CBFA2T2: variants seen among roughly 807,000 people sequenced by gnomAD.
CBFA2T2 encodes CBFA2/RUNX1 partner transcriptional co-repressor 2.
In CBFA2T2, 11 loss-of-function variants were observed where a neutral mutation model predicts 62.2. The ratio of observed to expected loss-of-function variants is 0.18; its 90% CI spans 0.11 to 0.29. The LOEUF is 0.29. CBFA2T2 is among the 10% of genes least tolerant of loss of function. The probability of loss-of-function intolerance (pLI) is 1.00; values close to 1 mark genes in which losing one functional copy is unlikely to be tolerated. For synonymous variants in CBFA2T2, 295 were observed against 287.5 expected (o/e 1.03, Z -0.27); for missense variants, 592 against 774.1 (o/e 0.76, Z 2.79).
chr20:33,549,455 C>T (rs1251030841), intron 1 of CBFA2T2, among the ~76,000 whole-genome samples: 2 of 152,086 alleles, frequency 1.3e-5, no homozygotes, highest in Admixed American at 1.3e-4. Context: ...ATACATGGTA[C>T]AGCATGAAGC....
intron 1 of CBFA2T2, among the ~76,000 whole-genome samples, chr20:33,501,630 C>CTTTTTTTTTTTTTTTT (rs869281966): frequency 3.2e-5 from 2 of 63,262 alleles, no homozygotes; most frequent in African/African-American, 1.4e-4. Flanking sequence ...CTTAGCCTTC[C>CTTTTTTTTTTTTTTTT]TTTTTTTTTT....
chr20:33,527,493 C>G (rs935348355), intron 1 of CBFA2T2, among the ~76,000 whole-genome samples: 3 of 151,688 alleles, frequency 2.0e-5, no homozygotes, highest in African/African-American at 4.8e-5. Flanking sequence ...CTGCCTCAGC[C>G]TCCCAAGTAG....
intron 1 of CBFA2T2, among the ~76,000 whole-genome samples, chr20:33,567,471 TGAGA>T (rs1400439424): frequency 6.6e-6 from 1 of 152,224 alleles, no homozygotes; most frequent in Admixed American, 6.5e-5. Context: ...TAAGACATTC[TGAGA>T]GAGAGACCAC....
intron 1 of CBFA2T2, chr20:33,601,862 T>G (rs1312628701): frequency 1.3e-5 from 2 of 151,534 alleles, no homozygotes; most frequent in East Asian, 3.9e-4. Flanking sequence ...TGGAGCACAG[T>G]GGTGTGATCA....
At chr20:33,615,937 A>G (rs1302261800) in intron 3 of CBFA2T2, among the ~76,000 whole-genome samples, 2 of 152,108 alleles carry the variant, frequency 1.3e-5, no homozygotes, top group Non-Finnish European at 2.9e-5. Flanking sequence ...CTTAGCTGGC[A>G]TAGTGGAGTA....
At chr20:33,595,461 C>T (rs967071607) in intron 1 of CBFA2T2, among the ~76,000 whole-genome samples, 4 of 152,140 alleles carry the variant, frequency 2.6e-5, no homozygotes, top group Admixed American at 1.3e-4. Flanking sequence ...CCGCCCACCT[C>T]GGCCTCCCAA....
chr20:33,530,636 C>G (rs186328484), intron 1 of CBFA2T2, among the ~76,000 whole-genome samples: 1 of 151,888 alleles, frequency 6.6e-6, no homozygotes, highest in African/African-American at 2.4e-5. Context: ...AGGCTGGTCT[C>G]GGATCACCTT....
intron 1 of CBFA2T2, among the ~76,000 whole-genome samples, chr20:33,587,427 C>T (rs1030829241): frequency 2.0e-5 from 3 of 152,160 alleles, no homozygotes; most frequent in African/African-American, 2.4e-5. Flanking sequence ...CCACAACGCC[C>T]GGCTAATTTT....
chr20:33,518,831 CT>C (rs933803370), intron 1 of CBFA2T2, among the ~76,000 whole-genome samples: 1 of 148,116 alleles, frequency 6.8e-6, no homozygotes, highest in Non-Finnish European at 1.5e-5. Context: ...TCTTTCTCTT[CT>C]TTTTTTTGAG....
chr20:33,507,843 G>GGTTT (rs1196189983), intron 1 of CBFA2T2, among the ~76,000 whole-genome samples: 1 of 152,060 alleles, frequency 6.6e-6, no homozygotes, highest in Non-Finnish European at 1.5e-5. Flanking sequence ...GGGGTTAAGG[G>GGTTT]GTTTGCCTGT....
intron 1 of CBFA2T2, among the ~76,000 whole-genome samples, chr20:33,575,632 A>G (rs1433333401): frequency 1.3e-5 from 2 of 152,024 alleles, no homozygotes; most frequent in South Asian, 2.1e-4. Context: ...CTTTTTCGCT[A>G]GAAGCCTAAA....
rs1191841005 is a variant in CBFA2T2 at position 33,648,840 on chromosome 20, A to C, written c.*4194A>C. The C allele has an allele frequency of 6.6e-6, 1 of 152,182 alleles. No homozygotes were observed. Among genetic ancestry groups the C allele is most frequent in the Non-Finnish European group, 1.5e-5 (1 of 68,032 alleles). 9.4% of individuals were successfully genotyped at this position (152,182 alleles called of 1,614,324 possible). A position where few individuals can be genotyped will look rare whatever the true frequency, so the allele number is the denominator to read the frequency against. The stretch of plus-strand genomic sequence containing the variant: ...TTGACATCTTCAGCTTCCAGACAGA[A>C]AACCCATGCTTTACTTTGTACAGCC... On this transcript the variant is annotated 3_prime_UTR_variant, in exon 11 of 11. Transcript: ENST00000342704.
At chr20:33,529,019 GTTTT>G (rs1203524830) in intron 1 of CBFA2T2, among the ~76,000 whole-genome samples, 1 of 151,398 alleles carries the variant, frequency 6.6e-6, no homozygotes, top group Non-Finnish European at 1.5e-5. Context: ...CAGTTTGTTT[GTTTT>G]TTTTGTTTGT....
Position 33,527,368 on chromosome 20 carries a change from A to AT in CBFA2T2, c.34+37089dup, listed in dbSNP as rs66870528. ...AGGGCTGTGCCACCAGGCCCGACTG[A>AT]TTTTTTTTTTTTTTTTTTTTTTGAG... On this transcript the variant is annotated intron_variant, in intron 1 of 10. Transcript: ENST00000342704. Among the ~76,000 whole-genome samples, 165 of 74,432 alleles carry AT rather than the reference A, an allele frequency of 2.2e-3. 2 individuals carry two copies. Among genetic ancestry groups the AT allele is most frequent in the African/African-American group, 5.8e-3 (125 of 21,516 alleles). The allele number at this position is 74,432 out of a possible 152,430, so 48.8% of individuals were successfully genotyped here.
intron 1 of CBFA2T2, among the ~76,000 whole-genome samples, chr20:33,521,554 G>A (rs1354392395): frequency 6.6e-6 from 1 of 152,182 alleles, no homozygotes; most frequent in Admixed American, 6.5e-5. Context: ...GGGCTTGCCT[G>A]ATCTACAGCT....
chr20:33,525,561 C>T (rs930148343), intron 1 of CBFA2T2, among the ~76,000 whole-genome samples: 16 of 152,224 alleles, frequency 1.1e-4, no homozygotes, highest in South Asian at 2.1e-4. Context: ...TCACTGCACA[C>T]AGTGCAGTGA....
intron 1 of CBFA2T2, among the ~76,000 whole-genome samples, chr20:33,529,773 A>C (rs1432102864): frequency 1.8e-4 from 5 of 27,178 alleles, no homozygotes; most frequent in African/African-American, 2.3e-4. Flanking sequence ...ATATATATAT[A>C]TATATATATT....
At chr20:33,602,316 C>T (rs1162228795) in intron 1 of CBFA2T2, among the ~76,000 whole-genome samples, 1 of 151,620 alleles carries the variant, frequency 6.6e-6, no homozygotes, top group Admixed American at 6.6e-5. Flanking sequence ...CCTCAACATG[C>T]TTTCTCCTTG....
At chr20:33,642,666 G>A (rs1387839485) in intron 10 of CBFA2T2, among the ~76,000 whole-genome samples, 1 of 152,052 alleles carries the variant, frequency 6.6e-6, no homozygotes, top group Non-Finnish European at 1.5e-5. Context: ...AAAGAAAAGA[G>A]AATTGTTTTT....
Sources: allele counts gnomAD v4.1 joint callset (sites outside exome capture counted in the v4.1 genomes callset), GRCh38; gene constraint gnomAD v4.1.1; transcripts MANE v1.5; gene names NCBI Gene and HGNC (gene_info 2026-07-23, HGNC 2026-07-21).